The following PCDHA9 variants were observed in gnomAD, a reference collection of about 807,000 sequenced individuals.
The protein encoded by PCDHA9 is protocadherin alpha-9.
A neutral mutation model predicts 62.0 loss-of-function variants in PCDHA9; 62 were observed. That is an observed-to-expected ratio of 1.00 (90% confidence interval 0.81 to 1.23). PCDHA9 has a LOEUF of 1.23. Among genes scored for constraint, PCDHA9 ranks in the 50% most tolerant of loss-of-function variants. The pLI is 0.00. For missense variants in PCDHA9, 1,205 were observed against 1,249.8 expected (o/e 0.96, Z 0.54); for synonymous variants, 557 against 567.6 (o/e 0.98, Z 0.27).
At chr5:140,964,227 G>A (rs1245581815) in intron 1 of PCDHA9, among the ~76,000 whole-genome samples, 1 of 152,222 alleles carries the variant, frequency 6.6e-6, no homozygotes, top group African/African-American at 2.4e-5. Context: ...CTTTCAAAAT[G>A]AGGCTGATTG....
chr5:140,962,068 G>C (rs2095654419), intron 1 of PCDHA9, among the ~76,000 whole-genome samples: 1 of 151,882 alleles, frequency 6.6e-6, no homozygotes, highest in African/African-American at 2.4e-5. Context: ...GTATTTTTTA[G>C]TAGAGACGGG....
chr5:140,957,968 T>C (rs1276763203), intron 1 of PCDHA9, among the ~76,000 whole-genome samples: 1 of 152,154 alleles, frequency 6.6e-6, no homozygotes, highest in Non-Finnish European at 1.5e-5. Flanking sequence ...TCAGAGATGC[T>C]GTATAAATAG....
intron 1 of PCDHA9, chr5:140,875,665 C>A: frequency 6.2e-7 from 1 of 1,613,748 alleles, no homozygotes; most frequent in Non-Finnish European, 8.5e-7. Flanking sequence ...GCGCCTGTTC[C>A]GGGTGGCGTC....
At chr5:140,941,210 TCTTC>T (rs1480454721) in intron 1 of PCDHA9, among the ~76,000 whole-genome samples, 2,917 of 100,514 alleles carry the variant, frequency 0.029, 68 homozygotes, top group South Asian at 0.045. Flanking sequence ...TTCCTTTCTT[TCTTC>T]CTTTCTTTCT....
chr5:140,922,085 AT>A (rs1453055437), intron 1 of PCDHA9, among the ~76,000 whole-genome samples: 1 of 152,194 alleles, frequency 6.6e-6, no homozygotes, highest in Non-Finnish European at 1.5e-5. Context: ...AAAAAGTGGT[AT>A]TTCTACCAAC....
chr5:140,950,426 ACT>A (rs1554219446), intron 1 of PCDHA9, among the ~76,000 whole-genome samples: 5 of 151,872 alleles, frequency 3.3e-5, no homozygotes, highest in African/African-American at 1.2e-4. Flanking sequence ...ATTTTCTTCC[ACT>A]TAAAAAAAAT....
chr5:140,924,752 G>A (rs970314481), intron 1 of PCDHA9, among the ~76,000 whole-genome samples: 5 of 151,648 alleles, frequency 3.3e-5, no homozygotes, highest in South Asian at 2.1e-4. Context: ...AAAATTAACC[G>A]AGCATGGTGG....
Position 140,927,804 on chromosome 5 carries a change from G to T in PCDHA9, c.2395-51145G>T, listed in dbSNP as rs112037348. The T allele has an allele frequency of 8.3e-4, 1,346 of 1,614,160 alleles. 11 individuals carry two copies. The African/African-American group carries it at 0.015, about 18-fold the overall frequency. On this transcript the variant is annotated intron_variant, in intron 1 of 3. Coordinates refer to ENST00000532602, the MANE Select transcript of PCDHA9 (RefSeq NM_031857.2). Reference sequence around the variant, plus strand: ...CTGCTTCACTAGGTCCGCCTGAAACGCTCTTGGAGGCATACATTGAGGCGA... The same window carrying T: ...CTGCTTCACTAGGTCCGCCTGAAACTCTCTTGGAGGCATACATTGAGGCGA...
At position 140,910,974 on chromosome 5, in the gene PCDHA9, T is replaced by G. The variant is rs114099897; in HGVS notation, c.2394+60085T>G. Among the ~76,000 whole-genome samples the G allele has an allele frequency of 8.0e-3, 1,211 of 152,160 alleles. 6 individuals carry two copies. The highest frequency in any genetic ancestry group is 0.019 in the African/African-American group (781 of 41,520). On this transcript the variant is annotated intron_variant, in intron 1 of 3. Coordinates refer to ENST00000532602, the MANE Select transcript of PCDHA9 (RefSeq NM_031857.2). ...CGAGTGTAGCACACCTCCTCATGGG[T>G]TATACTCTGAACCTCACCCCTAGGG...
chr5:140,850,116 G>A lies in PCDHA9; in HGVS notation c.1621G>A (p.Gly541Ser). 6.3e-7 allele frequency: 1 copy of A among 1,596,102 alleles called. No homozygotes were observed. The highest frequency in any genetic ancestry group is 8.6e-7 in the Non-Finnish European group (1 of 1,167,838). The change falls in exon 1 of 4, where the codon GGC becomes AGC. Residue 541 changes from glycine (G) to serine (S), a missense_variant. Around this residue, in one of 3 missense-constraint regions of PCDHA9, gnomAD observed 887 missense variants for 809.5 expected, o/e 1.10. Coordinates refer to ENST00000532602, the MANE Select transcript of PCDHA9 (RefSeq NM_031857.2). Reference protein sequence around the residue: ...LQFQVSARDAGVPPLGSNVTL... With the variant: ...LQFQVSARDASVPPLGSNVTL... ...GTTCCAGGTGAGCGCGCGCGACGCG[G>A]GCGTGCCGCCTCTGGGCAGCAACGT...
chr5:140,903,357 T>C (rs1554190932), intron 1 of PCDHA9, among the ~76,000 whole-genome samples: 1 of 152,166 alleles, frequency 6.6e-6, no homozygotes, highest in African/African-American at 2.4e-5. Flanking sequence ...AAACAAGTTT[T>C]TCAAAAATAT....
chr5:140,928,084 C>T (rs782346696), intron 1 of PCDHA9: 2 of 1,614,232 alleles, frequency 1.2e-6, no homozygotes, highest in Non-Finnish European at 1.7e-6. Context: ...CTACAGCCTG[C>T]TGATTGATGG....
At chr5:140,966,617 A>G (rs1169791623) in intron 1 of PCDHA9, 8 of 785,216 alleles carry the variant, frequency 1.0e-5, no homozygotes, top group African/African-American at 1.8e-5. Flanking sequence ...GGGCCTACGG[A>G]GGGAGCGGCC....
At chr5:140,970,562 A>G (rs1406680335) in intron 1 of PCDHA9, among the ~76,000 whole-genome samples, 1 of 152,156 alleles carries the variant, frequency 6.6e-6, no homozygotes, top group African/African-American at 2.4e-5. Flanking sequence ...TCGTCTCCAT[A>G]TGTATGCTTG....
intron 1 of PCDHA9, chr5:140,857,288 C>A (rs782208845): frequency 2.5e-6 from 4 of 1,598,652 alleles, no homozygotes; most frequent in East Asian, 4.5e-5. Context: ...CGCTCTGGAC[C>A]GCGAGAGGGT....
At chr5:140,870,122 T>G in intron 1 of PCDHA9, 1 of 1,613,956 alleles carries the variant, frequency 6.2e-7, no homozygotes. Flanking sequence ...GTGGAAATCT[T>G]GGACACCAAC....
chr5:140,942,902 A>G (rs956281163), intron 1 of PCDHA9, among the ~76,000 whole-genome samples: 7 of 152,112 alleles, frequency 4.6e-5, no homozygotes, highest in Admixed American at 1.3e-4. Context: ...ATCTCTAAGA[A>G]TAAGCGTGAA....
chr5:140,981,888 G>A (rs1554243508), intron 2 of PCDHA9, among the ~76,000 whole-genome samples: 1 of 152,140 alleles, frequency 6.6e-6, no homozygotes, highest in Non-Finnish European at 1.5e-5. Flanking sequence ...AATCTCTTCT[G>A]AGCGGGGATC....
rs1297576408 is a variant in PCDHA9, at chr5:140,849,902, G to A, written c.1407G>A (p.Pro469=). The A allele has an allele frequency of 1.9e-6, 3 of 1,598,418 alleles. No individual in the cohort carries two copies. The highest frequency in any genetic ancestry group is 2.6e-6 in the Non-Finnish European group (3 of 1,167,988). The part of the protein sequence containing the change: ...EYTVFVKENN[P]PGCHIFTVSA... Reference sequence around the variant, plus strand: ...CGGTGTTCGTGAAGGAGAACAACCCGCCGGGCTGCCACATCTTCACGGTGT... The same window carrying A: ...CGGTGTTCGTGAAGGAGAACAACCCACCGGGCTGCCACATCTTCACGGTGT... Residue 469 remains proline (P), a synonymous_variant, in exon 1 of 4, where the codon CCG becomes CCA. Coordinates refer to ENST00000532602, the MANE Select transcript of PCDHA9 (RefSeq NM_031857.2).
Sources: allele counts gnomAD v4.1 joint callset (sites outside exome capture counted in the v4.1 genomes callset), GRCh38; gene constraint gnomAD v4.1.1; regional missense constraint gnomAD v4.1.1; transcripts MANE v1.5; gene names NCBI Gene and HGNC (gene_info 2026-07-23, HGNC 2026-07-21).